Variants in SLC44A5 observed in about 807,000 individuals in gnomAD.
SLC44A5 encodes solute carrier family 44 member 5, also known as choline transporter-like protein 5.
In SLC44A5, 57 loss-of-function variants were observed where a neutral mutation model predicts 101.8. The observed-to-expected ratio is 0.56, with a 90% CI of 0.45 to 0.70. The LOEUF is 0.70. Among genes scored for constraint, SLC44A5 ranks in the 30% least tolerant of loss-of-function variants. The pLI is 0.00. For missense variants in SLC44A5, 737 were observed against 853.1 expected, an observed-to-expected ratio of 0.86 and a Z score of 1.70; for synonymous variants, 281 against 290.9, an observed-to-expected ratio of 0.97 and a Z score of 0.35.
In SLC44A5 at chr1:75,219,262, G is replaced by C. The variant is rs1037553095; in HGVS notation, c.1261C>G (p.Pro421Ala). ...HCIHENQTCD[P>A]EIFNTTEIAK... ...AAAGAGTTTCTTGTACTTACCTCTGGGTCACAGGTTTGATTTTCATGTATA... is the reference window on the plus strand; with the variant it reads ...AAAGAGTTTCTTGTACTTACCTCTGCGTCACAGGTTTGATTTTCATGTATA... Residue 421 changes from proline to alanine, a missense_variant, in exon 16 of 24, where the codon CCA (proline) becomes GCA (alanine). Physicochemically the swap from Pro to Ala is conservative, Grantham distance 27. Coordinates refer to ENST00000370859, the MANE Select transcript of SLC44A5 (RefSeq NM_001130058.2). 3.1e-6 allele frequency: 5 copies of C among 1,602,838 alleles called. No homozygotes were observed. Among genetic ancestry groups the C allele is most frequent in the Non-Finnish European group, 4.3e-6 (5 of 1,170,096 alleles).
At chr1:75,281,654 T>A (rs1344140877) in intron 5 of SLC44A5, among the ~76,000 whole-genome samples, 1 of 34,384 alleles carries the variant, frequency 2.9e-5, no homozygotes, top group Non-Finnish European at 5.9e-5. Flanking sequence ...CCCCCCCCGC[T>A]GCATTTAGCC....
At chr1:75,431,681 C>A (rs1238083109) in intron 2 of SLC44A5, among the ~76,000 whole-genome samples, 2 of 151,834 alleles carry the variant, frequency 1.3e-5, no homozygotes, top group Non-Finnish European at 2.9e-5. Context: ...TTTAATAGTT[C>A]TTTGTGTTGC....
chr1:75,495,478 AAGT>A, intron 2 of SLC44A5, among the ~76,000 whole-genome samples: 1 of 151,982 alleles, frequency 6.6e-6, no homozygotes, highest in South Asian at 2.1e-4. Context: ...AACAAACAAA[AAGT>A]CATAAAGATG....
At chr1:75,491,750 C>T (rs1432937914) in intron 2 of SLC44A5, among the ~76,000 whole-genome samples, 2 of 151,756 alleles carry the variant, frequency 1.3e-5, no homozygotes, top group African/African-American at 2.4e-5. Context: ...CACACACACA[C>T]AGTATTATGC....
chr1:75,271,539 T>A (rs1164192458), intron 6 of SLC44A5, among the ~76,000 whole-genome samples: 3 of 143,594 alleles, frequency 2.1e-5, no homozygotes, highest in Non-Finnish European at 4.6e-5. Flanking sequence ...ATAGCTTAGC[T>A]CTCACTTATA....
In SLC44A5 at chr1:75,234,022, C is replaced by T. The variant is rs1301728875; in HGVS notation, c.817G>A (p.Val273Ile). 8 of 1,613,354 alleles carry T rather than the reference C, an allele frequency of 5.0e-6. 1 individual carries two copies. In the South Asian group the frequency reaches 8.8e-5, roughly 18 times the overall value. ...ATTCCAATCACACCAATCATGAAGACCCAGAAGAGGCATCCAGCTATGAAC... is the reference window on the plus strand; with the variant it reads ...ATTCCAATCACACCAATCATGAAGATCCAGAAGAGGCATCCAGCTATGAAC... Reference protein sequence around the residue: ...LRFIAGCLFWVFMIGVIGIIG... With the variant: ...LRFIAGCLFWIFMIGVIGIIG... The change falls in exon 12 of 24, where the codon GTC becomes ATC. Residue 273 changes from valine to isoleucine, a missense_variant. By Grantham distance (29) the Val-to-Ile change is conservative (BLOSUM62 3). Coordinates refer to ENST00000370859, the MANE Select transcript of SLC44A5 (RefSeq NM_001130058.2).
intron 2 of SLC44A5, chr1:75,521,785 T>C (rs1739902): frequency 0.69 from 105,835 of 153,284 alleles, 37,072 homozygotes; most frequent in East Asian, 0.96. Flanking sequence ...AAATGTCACT[T>C]GCCTACATCC....
chr1:75,534,299 G>A (rs571917326), intron 2 of SLC44A5, among the ~76,000 whole-genome samples: 6 of 152,134 alleles, frequency 3.9e-5, no homozygotes, highest in African/African-American at 9.6e-5. Context: ...AAATAAAGCC[G>A]GGCTCCATTT....
chr1:75,376,372 C>G (rs1430125134), intron 3 of SLC44A5, among the ~76,000 whole-genome samples: 1 of 152,168 alleles, frequency 6.6e-6, no homozygotes, highest in Non-Finnish European at 1.5e-5. Context: ...GTAGGCTCCA[C>G]CCCTGGGGGC....
chr1:75,481,157 G>T (rs1215999556), intron 2 of SLC44A5, among the ~76,000 whole-genome samples: 2 of 152,180 alleles, frequency 1.3e-5, no homozygotes, highest in Non-Finnish European at 2.9e-5. Context: ...ATGGGGAAAG[G>T]ATTCCCTGTT....
chr1:75,673,836 C>T, the SLC44A5 span, among the ~76,000 whole-genome samples: 1 of 152,166 alleles, frequency 6.6e-6, no homozygotes, highest in African/African-American at 2.4e-5. Context: ...TATGAGTCTG[C>T]AAGAGCCATT....
the SLC44A5 span, among the ~76,000 whole-genome samples, chr1:75,713,763 G>T: frequency 3.3e-5 from 5 of 152,018 alleles, no homozygotes; most frequent in African/African-American, 9.7e-5. Flanking sequence ...TGTGCTATAC[G>T]TCTCTCTGAG....
At chr1:75,640,833 G>C in the SLC44A5 span, among the ~76,000 whole-genome samples, 1 of 152,098 alleles carries the variant, frequency 6.6e-6, no homozygotes, top group African/African-American at 2.4e-5. Context: ...CTTCTGGCTT[G>C]TCTGGGGCTT....
the SLC44A5 span, among the ~76,000 whole-genome samples, chr1:75,664,468 A>G: frequency 6.6e-6 from 1 of 152,216 alleles, no homozygotes; most frequent in Non-Finnish European, 1.5e-5. Flanking sequence ...GTAAAGTTTC[A>G]GGATACAAAA....
the SLC44A5 span, among the ~76,000 whole-genome samples, chr1:75,701,763 A>G: frequency 1.3e-5 from 2 of 152,302 alleles, no homozygotes; most frequent in South Asian, 2.1e-4. Context: ...AAACCCCATC[A>G]TCTCAGCCCA....
chr1:75,357,882 C>A (rs953233608), intron 3 of SLC44A5, among the ~76,000 whole-genome samples: 15 of 152,118 alleles, frequency 9.9e-5, no homozygotes, highest in African/African-American at 3.6e-4. Flanking sequence ...TTATATGTCA[C>A]ACATCACTTC....
intron 2 of SLC44A5, among the ~76,000 whole-genome samples, chr1:75,506,907 CTT>C (rs61554987): frequency 0.12 from 7,917 of 67,150 alleles, 36 homozygotes; most frequent in African/African-American, 0.13. Flanking sequence ...TATTCCTATT[CTT>C]TTTTTTTTTT....
chr1:75,426,428 A>G (rs182199460), intron 2 of SLC44A5, among the ~76,000 whole-genome samples: 13 of 152,318 alleles, frequency 8.5e-5, no homozygotes, highest in African/African-American at 3.1e-4. Flanking sequence ...CTAAGGATGG[A>G]GCTCAGGCAC....
chr1:75,618,472 G>C, the SLC44A5 span, among the ~76,000 whole-genome samples: 5 of 152,216 alleles, frequency 3.3e-5, no homozygotes, highest in Admixed American at 2.6e-4. Flanking sequence ...CAATTAGAAT[G>C]ACTGCAGGGA....
Sources: gnomAD v4.1 joint callset for allele counts (sites outside exome capture counted in the v4.1 genomes callset) on GRCh38, gnomAD v4.1.1 for gene constraint, MANE v1.5 for transcripts, NCBI Gene and HGNC (gene_info 2026-07-23, HGNC 2026-07-21) for gene names.